The following SNTG1 variants were observed in gnomAD, a reference collection of about 807,000 sequenced individuals.
The protein encoded by SNTG1 is syntrophin gamma 1.
In SNTG1, 39 loss-of-function variants were observed where a neutral mutation model predicts 74.7. That is an observed-to-expected ratio of 0.52 (90% confidence interval 0.40 to 0.68). SNTG1 has a LOEUF of 0.68. Ranked by LOEUF, SNTG1 falls within the 30% of genes least tolerant of loss-of-function variation. The pLI is 0.00. For synonymous variants in SNTG1, 254 were observed against 217.1 expected (o/e 1.17, Z -1.49); for missense variants, 685 against 609.5 (o/e 1.12, Z -1.30).
At chr8:50,553,233 C>A in intron 12 of SNTG1, 54 bp downstream of exon 12, 2 of 1,605,474 alleles carry the variant, frequency 1.2e-6, no homozygotes, top group Non-Finnish European at 1.7e-6. Context: ...TTTATAAAAT[C>A]CTTCAGTATA....
At chr8:50,638,781 C>A (rs1432804633) in intron 13 of SNTG1, among the ~76,000 whole-genome samples, 1 of 152,052 alleles carries the variant, frequency 6.6e-6, no homozygotes, top group African/African-American at 2.4e-5. Context: ...TATTTTACCT[C>A]ACTGAGGATT....
At position 49,956,599 on chromosome 8, in the gene SNTG1, C is replaced by T. The variant is rs527452339; in HGVS notation, c.-103+44368C>T. Among the ~76,000 whole-genome samples, 9 of 152,250 alleles carry T rather than the reference C, an allele frequency of 5.9e-5. No homozygotes were observed. The South Asian group carries it at 1.7e-3, about 28-fold the overall frequency. On this transcript the variant is annotated intron_variant, in intron 1 of 18. Transcript: ENST00000642720. ...TTTGTTGATTAGTGTTTCCCAATTT[C>T]ATTTATTTTACTGAGGGTTGCAAAA...
At chr8:50,162,824 G>T (rs1340060397) in intron 1 of SNTG1, among the ~76,000 whole-genome samples, 1 of 152,120 alleles carries the variant, frequency 6.6e-6, no homozygotes, top group Non-Finnish European at 1.5e-5. Flanking sequence ...TGTTCCTGGA[G>T]GTAAACATGC....
intron 1 of SNTG1, among the ~76,000 whole-genome samples, chr8:50,048,741 T>C (rs1819314117): frequency 2.0e-5 from 3 of 152,166 alleles, no homozygotes; most frequent in Admixed American, 2.0e-4. Flanking sequence ...CTATTTTTTA[T>C]GTGTTTGACC....
At chr8:50,664,001 C>G (rs1508623) in intron 15 of SNTG1, among the ~76,000 whole-genome samples, 91,519 of 151,976 alleles carry the variant, frequency 0.6, 29,442 homozygotes, top group Non-Finnish European at 0.7. Context: ...CAGATCTTGT[C>G]CCCGAACTCT....
At chr8:50,154,346 G>A (rs924672204) in intron 1 of SNTG1, among the ~76,000 whole-genome samples, 2 of 152,106 alleles carry the variant, frequency 1.3e-5, no homozygotes, top group Admixed American at 1.3e-4. Flanking sequence ...CCCTTGGCTA[G>A]GAAAGGGAAT....
chr8:50,741,504 C>T (rs1243103455), intron 17 of SNTG1, among the ~76,000 whole-genome samples: 1 of 152,026 alleles, frequency 6.6e-6, no homozygotes, highest in Non-Finnish European at 1.5e-5. Flanking sequence ...CATACTGTTA[C>T]CATCCAAATC....
intron 1 of SNTG1, among the ~76,000 whole-genome samples, chr8:49,969,402 T>A (rs1420290551): frequency 1.4e-5 from 2 of 138,498 alleles, no homozygotes; most frequent in Non-Finnish European, 3.1e-5. Context: ...TTTTTTTTTT[T>A]TTTTTTTTTT....
chr8:50,385,035 G>T lies in SNTG1; in HGVS notation c.-27-9177G>T, dbSNP rs1420287439. Among the ~76,000 whole-genome samples the T allele has an allele frequency of 2.0e-5, 3 of 152,162 alleles. No individual in the cohort carries two copies. In the East Asian group the frequency reaches 5.8e-4, roughly 29 times the overall value. On this transcript the variant is annotated intron_variant, in intron 2 of 18. Coordinates refer to ENST00000642720, the MANE Select transcript of SNTG1 (RefSeq NM_018967.5). ...GTTGTTATCCAGAGAAGAAAGCAGG[G>T]ATTAGCTCCCAAATTCTGAGGACTT...
intron 2 of SNTG1, among the ~76,000 whole-genome samples, chr8:50,240,859 C>T (rs901350371): frequency 2.6e-5 from 4 of 152,114 alleles, no homozygotes; most frequent in South Asian, 2.1e-4. Context: ...AGGTATTTCC[C>T]GTGAAAGATT....
In SNTG1 at chr8:50,791,910, G is replaced by T. The variant is rs115151180; in HGVS notation, c.1396-761G>T. On this transcript the variant is annotated intron_variant, in intron 18 of 18. Coordinates refer to ENST00000642720, the MANE Select transcript of SNTG1 (RefSeq NM_018967.5). The stretch of plus-strand genomic sequence containing the variant: ...AAATGTATTCTGAGCATAGCTTTAA[G>T]ATTTTATAGTTATTTTGACAAAATT... Among the ~76,000 whole-genome samples the T allele has an allele frequency of 1.5e-3, 228 of 151,770 alleles. 1 individual carries two copies. Among genetic ancestry groups the T allele is most frequent in the African/African-American group, 5.2e-3 (214 of 41,474 alleles).
chr8:50,595,020 ATGTGTG>A (rs57799690), intron 13 of SNTG1, among the ~76,000 whole-genome samples: 15,746 of 147,164 alleles, frequency 0.11, 1,787 homozygotes, highest in African/African-American at 0.28. Flanking sequence ...TTTATTGAAG[ATGTGTG>A]TGTGTGTGTG....
intron 8 of SNTG1, among the ~76,000 whole-genome samples, chr8:50,476,248 T>A (rs2093696342): frequency 6.6e-6 from 1 of 152,184 alleles, no homozygotes; most frequent in Non-Finnish European, 1.5e-5. Flanking sequence ...TTACTGTGCC[T>A]AGTATATCAA....
rs557514997 is a variant in SNTG1 at position 50,341,059 on chromosome 8, A to G, written c.-27-53153A>G. ...GTTAAGATTGTTTGAGTTTTACTTAATTCAGCTGCTTTTGTTGTTGTTTGG... is the reference window on the plus strand; with the variant it reads ...GTTAAGATTGTTTGAGTTTTACTTAGTTCAGCTGCTTTTGTTGTTGTTTGG... On this transcript the variant is annotated intron_variant, in intron 2 of 18. Transcript: ENST00000642720. 1.9e-4 allele frequency among the ~76,000 whole-genome samples: 29 copies of G among 152,046 alleles called. No homozygotes were observed. The South Asian group carries it at 3.9e-3, about 21-fold the overall frequency.
intron 1 of SNTG1, among the ~76,000 whole-genome samples, chr8:49,953,559 TA>T (rs1809912028): frequency 6.6e-6 from 1 of 152,236 alleles, no homozygotes; most frequent in African/African-American, 2.4e-5. Flanking sequence ...TAAAATATTT[TA>T]ATTTAAGATT....
At chr8:50,284,817 AG>A (rs2088673110) in intron 2 of SNTG1, among the ~76,000 whole-genome samples, 1 of 152,136 alleles carries the variant, frequency 6.6e-6, no homozygotes, top group Non-Finnish European at 1.5e-5. Flanking sequence ...ATATCTATCT[AG>A]ATATATTATC....
rs140911332 is a variant in SNTG1, at chr8:50,617,781, G to A, written c.849+26864G>A. On this transcript the variant is annotated intron_variant, in intron 13 of 18. Transcript: ENST00000642720. The stretch of plus-strand genomic sequence containing the variant: ...CAGTAATTAGATCGGAACAAAACAG[G>A]ATAGGGATTTTCACAGTGCTTTTCT... 5.0e-3 allele frequency among the ~76,000 whole-genome samples: 757 copies of A among 152,280 alleles called. 6 individuals carry two copies. Among genetic ancestry groups the A allele is most frequent in the African/African-American group, 0.017 (708 of 41,542 alleles).
At chr8:50,167,612 C>T (rs1161277490) in intron 1 of SNTG1, among the ~76,000 whole-genome samples, 1 of 145,558 alleles carries the variant, frequency 6.9e-6, no homozygotes, top group African/African-American at 2.5e-5. Context: ...GCCTGAGCAA[C>T]AGAACAAAAC....
At chr8:50,604,881 G>A (rs1021255389) in intron 13 of SNTG1, among the ~76,000 whole-genome samples, 3 of 152,124 alleles carry the variant, frequency 2.0e-5, no homozygotes, top group Admixed American at 6.6e-5. Flanking sequence ...ATGTCTTAGG[G>A]TGTCACCAAA....
Sources: gnomAD v4.1 joint callset for allele counts (sites outside exome capture counted in the v4.1 genomes callset) on GRCh38, gnomAD v4.1.1 for gene constraint, MANE v1.5 for transcripts, NCBI Gene and HGNC (gene_info 2026-07-23, HGNC 2026-07-21) for gene names.